The following MYO1D variants were observed in gnomAD, a reference collection of about 807,000 sequenced individuals.
The protein encoded by MYO1D is myosin ID.
Under a neutral mutation model 122.0 loss-of-function variants are expected in MYO1D, and 83 were observed. That is an observed-to-expected ratio of 0.68 (90% CI 0.57 to 0.82). The LOEUF (loss-of-function observed/expected upper bound fraction) is 0.82, where lower values mean the gene tolerates loss of function less well. MYO1D is among the 40% of genes least tolerant of loss of function. MYO1D has a pLI of 0.00. For missense variants in MYO1D, 1,157 were observed against 1,269.5 expected (o/e 0.91, Z 1.35); for synonymous variants, 464 against 446.9 (o/e 1.04, Z -0.48).
chr17:32,820,108 C>T (rs564189039), intron 1 of MYO1D, among the ~76,000 whole-genome samples: 7 of 152,290 alleles, frequency 4.6e-5, no homozygotes, highest in South Asian at 4.1e-4. Flanking sequence ...AGGGTAGTTT[C>T]TCTTTTAAAA....
At chr17:32,522,766 A>G (rs1195692838) in intron 21 of MYO1D, among the ~76,000 whole-genome samples, 1 of 151,352 alleles carries the variant, frequency 6.6e-6, no homozygotes, top group Non-Finnish European at 1.5e-5. Context: ...TGTGGACTCC[A>G]TTAGGAGCAT....
chr17:32,675,376 T>G (rs1287156617), intron 16 of MYO1D, among the ~76,000 whole-genome samples: 1 of 152,206 alleles, frequency 6.6e-6, no homozygotes, highest in Non-Finnish European at 1.5e-5. Context: ...CATATAACTG[T>G]AACTATCTAT....
chr17:32,535,728 G>A (rs1312606015), intron 21 of MYO1D, among the ~76,000 whole-genome samples: 10 of 152,024 alleles, frequency 6.6e-5, no homozygotes, highest in Admixed American at 6.5e-4. Context: ...TCCAGTCTGG[G>A]GGACAGAGCA....
chr17:32,711,559 T>A (rs950232951), intron 16 of MYO1D, among the ~76,000 whole-genome samples: 2 of 151,586 alleles, frequency 1.3e-5, no homozygotes, highest in African/African-American at 4.9e-5. Flanking sequence ...GGCAGGAGAA[T>A]CACTTGAACC....
intron 16 of MYO1D, chr17:32,659,545 T>C: frequency 1.7e-6 from 1 of 584,564 alleles, no homozygotes; most frequent in Non-Finnish European, 3.1e-6. Context: ...TTCAGCTGTC[T>C]AGCTGCTCAT....
chr17:32,601,506 A>C (rs184125627), intron 21 of MYO1D, among the ~76,000 whole-genome samples: 46 of 152,300 alleles, frequency 3.0e-4, no homozygotes, highest in Middle Eastern at 6.8e-3. Context: ...AAGATCACTG[A>C]TCAAAGCCCA....
At chr17:32,582,700 C>T (rs1468905029) in intron 21 of MYO1D, among the ~76,000 whole-genome samples, 1 of 152,122 alleles carries the variant, frequency 6.6e-6, no homozygotes, top group Non-Finnish European at 1.5e-5. Flanking sequence ...TTTCTATATG[C>T]TTACTGATTT....
At chr17:32,552,216 G>A (rs115518564) in intron 21 of MYO1D, among the ~76,000 whole-genome samples, 1,989 of 152,172 alleles carry the variant, frequency 0.013, 42 homozygotes, top group African/African-American at 0.045. Context: ...GCTGGGACTA[G>A]AGGCACACAC....
chr17:32,505,542 G>A (rs1007997601), intron 21 of MYO1D: 12 of 151,222 alleles, frequency 7.9e-5, no homozygotes, highest in East Asian at 1.9e-4. Flanking sequence ...AATGAGGACC[G>A]AGGCCCTGCA....
chr17:32,595,338 C>A (rs1409760821), intron 21 of MYO1D, among the ~76,000 whole-genome samples: 1 of 151,916 alleles, frequency 6.6e-6, no homozygotes, highest in East Asian at 1.9e-4. Context: ...TTCAATATTC[C>A]TAATGAAAAG....
chr17:32,830,217 A>C (rs1313527201), intron 1 of MYO1D: 1 of 152,182 alleles, frequency 6.6e-6, no homozygotes, highest in Non-Finnish European at 1.5e-5. Flanking sequence ...TGGGATGCTC[A>C]TTTTCGAATA....
intron 21 of MYO1D, among the ~76,000 whole-genome samples, chr17:32,551,454 T>C (rs2087014388): frequency 6.6e-6 from 1 of 152,192 alleles, no homozygotes; most frequent in Non-Finnish European, 1.5e-5. Context: ...CACCACCTTG[T>C]CTGAATCACA....
intron 1 of MYO1D, among the ~76,000 whole-genome samples, chr17:32,857,511 G>A (rs143398774): frequency 0.028 from 4,233 of 151,774 alleles, 134 homozygotes; most frequent in East Asian, 0.19. Context: ...CGTGAACCCA[G>A]GAGGTGGAGC....
intron 1 of MYO1D, among the ~76,000 whole-genome samples, chr17:32,858,450 T>C (rs2091044727): frequency 6.6e-6 from 1 of 152,244 alleles, no homozygotes; most frequent in South Asian, 2.1e-4. Flanking sequence ...TCCTCAGTCT[T>C]TCTTGGAATT....
At chr17:32,600,155 G>T (rs1011230912) in intron 21 of MYO1D, among the ~76,000 whole-genome samples, 1 of 152,198 alleles carries the variant, frequency 6.6e-6, no homozygotes, top group Admixed American at 6.5e-5. Context: ...TGAGCAGCAG[G>T]TCTCAACAGT....
chr17:32,718,232 A>T (rs1319639222), intron 15 of MYO1D, among the ~76,000 whole-genome samples: 3 of 152,204 alleles, frequency 2.0e-5, no homozygotes, highest in African/African-American at 7.2e-5. Context: ...TACTCATGAA[A>T]CCGACACCCT....
intron 1 of MYO1D, among the ~76,000 whole-genome samples, chr17:32,854,080 A>C (rs1048660620): frequency 6.6e-6 from 1 of 152,230 alleles, no homozygotes; most frequent in Admixed American, 6.5e-5. Flanking sequence ...ATGAAAATTC[A>C]AATACTTTTT....
At position 32,577,280 on chromosome 17, in the gene MYO1D, G is replaced by A. The variant is rs114927845; in HGVS notation, c.2864+27807C>T. ...AAAAAAAAAAAAAGCATGAGGTACC[G>A]TACCCGGCCTAATTTTTTATTTTGT... On this transcript the variant is annotated intron_variant, in intron 21 of 21. Coordinates refer to ENST00000318217, the MANE Select transcript of MYO1D (RefSeq NM_015194.3). Among the ~76,000 whole-genome samples, 690 of 150,514 alleles carry A rather than the reference G, an allele frequency of 4.6e-3. 5 individuals carry two copies. Among genetic ancestry groups the A allele is most frequent in the African/African-American group, 0.016 (650 of 40,982 alleles).
At chr17:32,695,380 A>C (rs570524350) in intron 16 of MYO1D, among the ~76,000 whole-genome samples, 2 of 152,234 alleles carry the variant, frequency 1.3e-5, no homozygotes, top group South Asian at 4.1e-4. Context: ...GGTTCCTAAC[A>C]GGCCACAGTC....
Sources: allele counts gnomAD v4.1 joint callset (sites outside exome capture counted in the v4.1 genomes callset), GRCh38; gene constraint gnomAD v4.1.1; transcripts MANE v1.5; gene names NCBI Gene and HGNC (gene_info 2026-07-23, HGNC 2026-07-21).